NRXN3: variants seen among roughly 807,000 people sequenced by gnomAD.
NRXN3 encodes the protein neurexin 3, also known as neurexin III.
NRXN3 carries 32 observed loss-of-function variants against 137.6 expected under a neutral mutation model. The ratio of observed to expected loss-of-function variants is 0.23; its 90% confidence interval spans 0.18 to 0.31. The LOEUF (loss-of-function observed/expected upper bound fraction) is 0.31. NRXN3 is among the 10% of genes least tolerant of loss of function. NRXN3 has a pLI of 1.00. For missense variants in NRXN3, 1,574 were observed against 2,062.5 expected, an observed-to-expected ratio of 0.76 and a Z score of 4.59; for synonymous variants, 798 against 784.5, an observed-to-expected ratio of 1.02 and a Z score of -0.29.
At chr14:79,547,202 TC>T (rs1334490878) in intron 16 of NRXN3, among the ~76,000 whole-genome samples, 2 of 152,188 alleles carry the variant, frequency 1.3e-5, no homozygotes, top group African/African-American at 4.8e-5. Flanking sequence ...GATCGGGTGC[TC>T]TTATAAAACA....
chr14:79,436,998 C>A (rs568610479), intron 15 of NRXN3, among the ~76,000 whole-genome samples: 3 of 152,224 alleles, frequency 2.0e-5, no homozygotes, highest in East Asian at 1.9e-4. Context: ...GTGGCTCCCC[C>A]TGTGTAAAAA....
intron 4 of NRXN3, among the ~76,000 whole-genome samples, chr14:78,597,237 G>T (rs2097164983): frequency 6.6e-6 from 1 of 152,166 alleles, no homozygotes; most frequent in Non-Finnish European, 1.5e-5. Context: ...CTTAGTGTCT[G>T]ACTTTAAAAA....
At chr14:79,151,276 C>G (rs1393692068) in intron 15 of NRXN3, among the ~76,000 whole-genome samples, 5 of 151,986 alleles carry the variant, frequency 3.3e-5, no homozygotes, top group Non-Finnish European at 1.5e-5. Context: ...CTCAAGACTT[C>G]CAAAAACATA....
intron 19 of NRXN3, among the ~76,000 whole-genome samples, chr14:79,804,835 T>C (rs1290734831): frequency 6.6e-6 from 1 of 152,098 alleles, no homozygotes; most frequent in Non-Finnish European, 1.5e-5. Flanking sequence ...CAAAATGTCA[T>C]TTATGGGGAT....
intron 4 of NRXN3, among the ~76,000 whole-genome samples, chr14:78,582,169 T>C (rs1253759649): frequency 6.6e-6 from 1 of 152,200 alleles, no homozygotes; most frequent in Non-Finnish European, 1.5e-5. Flanking sequence ...AGCTACTTCA[T>C]GATGTTGGAG....
chr14:78,878,652 G>A (rs906817484), intron 10 of NRXN3, among the ~76,000 whole-genome samples: 9 of 152,130 alleles, frequency 5.9e-5, no homozygotes, highest in African/African-American at 2.2e-4. Flanking sequence ...CACTAGAATA[G>A]TGGACTCAAG....
intron 17 of NRXN3, among the ~76,000 whole-genome samples, chr14:79,674,388 G>T (rs111487479): frequency 1.3e-5 from 2 of 151,900 alleles, no homozygotes; most frequent in Admixed American, 6.6e-5. Flanking sequence ...CACATTCATC[G>T]TACCTTATTT....
At chr14:79,486,017 ATTG>A (rs1567255772) in intron 16 of NRXN3, among the ~76,000 whole-genome samples, 1 of 152,048 alleles carries the variant, frequency 6.6e-6, no homozygotes, top group Non-Finnish European at 1.5e-5. Flanking sequence ...AATCTGTATT[ATTG>A]TTATTATTAT....
At chr14:79,748,481 T>C (rs886884139) in intron 19 of NRXN3, among the ~76,000 whole-genome samples, 2 of 152,096 alleles carry the variant, frequency 1.3e-5, no homozygotes, top group African/African-American at 4.8e-5. Flanking sequence ...ATCCAGATAC[T>C]CACCTCCATC....
At chr14:78,350,415 G>A (rs2083329966) in intron 4 of NRXN3, among the ~76,000 whole-genome samples, 1 of 152,108 alleles carries the variant, frequency 6.6e-6, no homozygotes, top group African/African-American at 2.4e-5. Context: ...TAAGGGGAGG[G>A]GGAAAGGGCA....
At chr14:79,264,165 T>C (rs567901816) in intron 15 of NRXN3, among the ~76,000 whole-genome samples, 4 of 152,314 alleles carry the variant, frequency 2.6e-5, no homozygotes, top group African/African-American at 9.6e-5. Context: ...CATGGCTCAC[T>C]GCAACTTCCG....
At chr14:78,519,381 G>A (rs528567985) in intron 4 of NRXN3, among the ~76,000 whole-genome samples, 1 of 152,224 alleles carries the variant, frequency 6.6e-6, no homozygotes, top group Non-Finnish European at 1.5e-5. Flanking sequence ...ATGTGTGCAC[G>A]AGAAAAATGC....
intron 15 of NRXN3, among the ~76,000 whole-genome samples, chr14:79,360,439 T>A (rs2093644809): frequency 6.6e-6 from 1 of 152,230 alleles, no homozygotes; most frequent in African/African-American, 2.4e-5. Flanking sequence ...CTCTTTTTCT[T>A]ATCATGGAAA....
chr14:79,392,401 A>G (rs1202347667), intron 15 of NRXN3, among the ~76,000 whole-genome samples: 4 of 152,126 alleles, frequency 2.6e-5, no homozygotes, highest in Non-Finnish European at 4.4e-5. Flanking sequence ...ATCAGTAGGC[A>G]TTTGGGTTTG....
chr14:78,258,374 A>G (rs1264545637), intron 2 of NRXN3, among the ~76,000 whole-genome samples: 1 of 151,120 alleles, frequency 6.6e-6, no homozygotes, highest in African/African-American at 2.4e-5. Context: ...CCTTCCTTGC[A>G]GATCCTATAG....
chr14:79,753,250 G>A (rs1348770778), intron 19 of NRXN3, among the ~76,000 whole-genome samples: 1 of 151,794 alleles, frequency 6.6e-6, no homozygotes, highest in African/African-American at 2.4e-5. Context: ...AAATCATGCT[G>A]CTATAAAGAC....
At chr14:79,448,421 T>TTATTAGAGTA (rs1217507823) in intron 15 of NRXN3, among the ~76,000 whole-genome samples, 1 of 152,230 alleles carries the variant, frequency 6.6e-6, no homozygotes, top group African/African-American at 2.4e-5. Context: ...TCTGCTATCA[T>TTATTAGAGTA]TATTAGAGTA....
chr14:79,594,586 T>C (rs2097843409), intron 16 of NRXN3, among the ~76,000 whole-genome samples: 1 of 152,200 alleles, frequency 6.6e-6, no homozygotes, highest in Non-Finnish European at 1.5e-5. Flanking sequence ...AATGGTGACC[T>C]GTCTTTTCTT....
chr14:78,733,225 C>T (rs11623767), intron 8 of NRXN3, among the ~76,000 whole-genome samples: 28,935 of 152,056 alleles, frequency 0.19, 2,882 homozygotes, highest in African/African-American at 0.24. Context: ...TTTTCTGCCT[C>T]ATGCCTGGGA....
Sources: gnomAD v4.1 joint callset for allele counts (sites outside exome capture counted in the v4.1 genomes callset) on GRCh38, gnomAD v4.1.1 for gene constraint, MANE v1.5 for transcripts, NCBI Gene and HGNC (gene_info 2026-07-23, HGNC 2026-07-21) for gene names.